Variants in KIF27 observed in about 807,000 individuals in gnomAD.
The protein encoded by KIF27 is kinesin family member 27.
Under a neutral mutation model 141.8 loss-of-function variants are expected in KIF27, and 84 were observed. The ratio of observed to expected loss-of-function variants is 0.59; its 90% CI spans 0.50 to 0.71. The LOEUF (loss-of-function observed/expected upper bound fraction) is 0.71, where lower values mean the gene tolerates loss of function less well. Ranked by LOEUF, KIF27 falls within the 30% of genes least tolerant of loss-of-function variation. KIF27 has a pLI of 0.00. For missense variants in KIF27, 1,306 were observed against 1,628.4 expected, an observed-to-expected ratio of 0.80 and a Z score of 3.41; for synonymous variants, 471 against 569.5, an observed-to-expected ratio of 0.83 and a Z score of 2.46.
chr9:83,918,414 C>T (rs1331562500), intron 1 of KIF27, among the ~76,000 whole-genome samples: 1 of 151,740 alleles, frequency 6.6e-6, no homozygotes, highest in Non-Finnish European at 1.5e-5. Flanking sequence ...AAGGAAACTA[C>T]CAAGAAAGTG....
At chr9:83,889,783 G>A (rs572615432) in intron 6 of KIF27, among the ~76,000 whole-genome samples, 2 of 152,048 alleles carry the variant, frequency 1.3e-5, no homozygotes, top group Non-Finnish European at 2.9e-5. Flanking sequence ...ATGGTAGTTA[G>A]GTATAGCTGA....
At chr9:83,914,674 A>G (rs186771596) in intron 2 of KIF27, among the ~76,000 whole-genome samples, 2 of 152,318 alleles carry the variant, frequency 1.3e-5, no homozygotes, top group African/African-American at 2.4e-5. Context: ...TTTTTAGTGG[A>G]AAAATATAAA....
intron 14 of KIF27, among the ~76,000 whole-genome samples, chr9:83,856,579 A>G (rs760689089): frequency 1.6e-4 from 24 of 151,924 alleles, no homozygotes; most frequent in Non-Finnish European, 3.1e-4. Flanking sequence ...CATCTCTACT[A>G]AAATACAAAA....
intron 15 of KIF27, among the ~76,000 whole-genome samples, chr9:83,853,231 C>T (rs921384638): frequency 7.1e-4 from 108 of 151,856 alleles, no homozygotes; most frequent in Non-Finnish European, 1.4e-3. Flanking sequence ...GTACAGATTC[C>T]CCTACCCTGC....
Position 83,887,060 on chromosome 9 carries a change from A to C in KIF27, c.2220T>G (p.Ile740Met). The change falls in exon 9 of 18, where the codon ATT becomes ATG. Residue 740 changes from isoleucine (I) to methionine (M), a missense_variant. Coordinates refer to ENST00000297814, the MANE Select transcript of KIF27 (RefSeq NM_017576.4). Reference sequence around the variant, plus strand: ...TATTACCTGTTTTTATTAATTCTTTAATCAGATCTTCCTTCATCTTGATGT... The same window carrying C: ...TATTACCTGTTTTTATTAATTCTTTCATCAGATCTTCCTTCATCTTGATGT... The part of the protein sequence containing the change: ...TINIKMKEDL[I>M]KELIKTGNDA... 6.3e-7 allele frequency: 1 copy of C among 1,586,676 alleles called. No homozygotes were observed. Among genetic ancestry groups the C allele is most frequent in the Non-Finnish European group, 8.5e-7 (1 of 1,172,132 alleles).
intron 16 of KIF27, among the ~76,000 whole-genome samples, chr9:83,843,665 T>C (rs1946851850): frequency 1.3e-5 from 2 of 152,358 alleles, no homozygotes; most frequent in Admixed American, 6.5e-5. Flanking sequence ...CAGTTGAAAT[T>C]AGAAAATTCA....
At chr9:83,860,717 T>C (rs1331315297) in intron 13 of KIF27, among the ~76,000 whole-genome samples, 1 of 152,204 alleles carries the variant, frequency 6.6e-6, no homozygotes, top group Admixed American at 6.5e-5. Context: ...TCCATCCTCC[T>C]GCTCCACACT....
In KIF27 at chr9:83,887,067, TCTTC is replaced by T. The variant is rs1952172899; in HGVS notation, c.2209_2212del (p.Glu737IlefsTer2). 6.3e-7 allele frequency: 1 copy of T among 1,594,856 alleles called. No individual in the cohort carries two copies. The highest frequency in any genetic ancestry group is 1.2e-5 in the South Asian group (1 of 86,930). On this transcript the variant is annotated frameshift_variant, in exon 9 of 18. Transcript: ENST00000297814. LOFTEE classifies it high-confidence loss of function. Reference sequence around the variant, plus strand: ...TGTTTTTATTAATTCTTTAATCAGATCTTCCTTCATCTTGATGTTAATTGTAAGT... The same window carrying T: ...TGTTTTTATTAATTCTTTAATCAGATCTTCATCTTGATGTTAATTGTAAGT...
At chr9:83,908,052 A>G (rs1336199439) in intron 3 of KIF27, among the ~76,000 whole-genome samples, 2 of 152,176 alleles carry the variant, frequency 1.3e-5, no homozygotes, top group African/African-American at 4.8e-5. Context: ...TCACGAGGTC[A>G]GGAGTTCGAG....
rs757476761 is a variant in KIF27 at position 83,887,168 on chromosome 9, A to G, written c.2112T>C (p.Ser704=). 23 of 1,572,914 alleles carry G rather than the reference A, an allele frequency of 1.5e-5. No individual in the cohort carries two copies. In the African/African-American group the frequency reaches 3.0e-4, roughly 21 times the overall value. ...EDLKIDCLQE[S]QELNLQKLKN... ...TTAATTTTTGCAAATTCAATTCTTG[A>G]CTCTCCTGGAGACAATCAATCTTTA... The change falls in exon 9 of 18, where the codon AGT becomes AGC. Residue 704 remains serine, a synonymous_variant. Transcript: ENST00000297814.
In KIF27 at chr9:83,880,408, A is replaced by T; in HGVS notation, c.2532T>A (p.Ser844Arg). ...NEKRANELEQ[S>R]VDHMKYQKIQ... is the part of the protein sequence containing the mutation. ...TCTTTTGATATTTCATGTGATCTAC[A>T]CTCTGCTCTAGCTCATTAGCACGTT... The change falls in exon 11 of 18, where the codon AGT (serine) becomes AGA (arginine). Residue 844 changes from serine to arginine, a missense_variant. Around this residue, in one of 4 missense-constraint regions of KIF27, gnomAD observed 596 missense variants for 751.6 expected, o/e 0.79. Transcript: ENST00000297814. The T allele has an allele frequency of 6.2e-7, 1 of 1,613,068 alleles. No homozygotes were observed. Among genetic ancestry groups the T allele is most frequent in the Non-Finnish European group, 8.5e-7 (1 of 1,179,744 alleles).
At chr9:83,848,319 A>ATATGATATATATGATATATCATG (rs1948020587) in intron 16 of KIF27, among the ~76,000 whole-genome samples, 2 of 113,898 alleles carry the variant, frequency 1.8e-5, no homozygotes, top group Non-Finnish European at 3.4e-5. Context: ...GATATATCAT[A>ATATGATATATATGATATATCATG]TATCTATATA....
chr9:83,903,973 A>G lies in KIF27; in HGVS notation c.545T>C (p.Val182Ala). 6.2e-7 allele frequency: 1 copy of G among 1,613,936 alleles called. No homozygotes were observed. Among genetic ancestry groups the G allele is most frequent in the Non-Finnish European group, 8.5e-7 (1 of 1,179,908 alleles). ...KECHVESAGEVMSLLEMGNAA... is the reference protein window; with the variant it reads ...KECHVESAGEAMSLLEMGNAA... ...ATTCCCCATCTCCAAAAGACTCATC[A>G]CTTCACCTGCACTCTCCACATGGCA... Residue 182 changes from valine to alanine, a missense_variant, in exon 4 of 18, where the codon GTG (valine) becomes GCG (alanine). Val to Ala is a moderately conservative substitution (Grantham distance 64, BLOSUM62 0). Around this residue, in one of 4 missense-constraint regions of KIF27, gnomAD observed 533 missense variants for 565.6 expected, o/e 0.94. Coordinates refer to ENST00000297814, the MANE Select transcript of KIF27 (RefSeq NM_017576.4).
intron 11 of KIF27, among the ~76,000 whole-genome samples, chr9:83,878,900 T>C (rs1474767343): frequency 6.6e-6 from 1 of 151,068 alleles, no homozygotes; most frequent in African/African-American, 2.4e-5. Context: ...TAAAATGGGT[T>C]GGGCACGGTG....
chr9:83,890,002 AC>A (rs1354195221), intron 6 of KIF27, among the ~76,000 whole-genome samples: 3 of 152,086 alleles, frequency 2.0e-5, no homozygotes, highest in African/African-American at 7.2e-5. Context: ...TTTCCTCTGC[AC>A]CATCTCTGTA....
At chr9:83,892,435 A>G (rs1952774035) in intron 5 of KIF27, among the ~76,000 whole-genome samples, 1 of 152,152 alleles carries the variant, frequency 6.6e-6, no homozygotes, top group Non-Finnish European at 1.5e-5. Context: ...CCACTAAAAA[A>G]AGAGTAAAAC....
chr9:83,870,137 A>C (rs962638001), intron 12 of KIF27, among the ~76,000 whole-genome samples: 1 of 145,524 alleles, frequency 6.9e-6, no homozygotes, highest in Non-Finnish European at 1.5e-5. Flanking sequence ...ACATCTATCT[A>C]TCTCTCTATC....
chr9:83,921,116 T>C (rs2132934696), intron 1 of KIF27, among the ~76,000 whole-genome samples: 1 of 151,444 alleles, frequency 6.6e-6, no homozygotes, highest in Non-Finnish European at 1.5e-5. Flanking sequence ...GAAGGGGCGC[T>C]CTGCCTCTAG....
chr9:83,850,999 A>G (rs968705580), intron 15 of KIF27, among the ~76,000 whole-genome samples: 3 of 150,646 alleles, frequency 2.0e-5, no homozygotes, highest in Non-Finnish European at 4.4e-5. Context: ...CACCACGCCC[A>G]GCTAATTTTT....
Sources: allele counts gnomAD v4.1 joint callset (sites outside exome capture counted in the v4.1 genomes callset), GRCh38; gene constraint gnomAD v4.1.1; regional missense constraint gnomAD v4.1.1; transcripts MANE v1.5; gene names NCBI Gene and HGNC (gene_info 2026-07-23, HGNC 2026-07-21).